CADPS2: variants seen among roughly 807,000 people sequenced by gnomAD.
The protein encoded by CADPS2 is calcium dependent secretion activator 2.
CADPS2 carries 93 observed loss-of-function variants against 172.5 expected under a neutral mutation model. The observed-to-expected ratio is 0.54, with a 90% CI of 0.46 to 0.64. The LOEUF is 0.64. Among genes scored for constraint, CADPS2 ranks in the 30% least tolerant of loss-of-function variants. The probability of loss-of-function intolerance (pLI) is 0.00; values close to 1 mark genes in which losing one functional copy is unlikely to be tolerated. For missense variants in CADPS2, 1,420 were observed against 1,565.9 expected, an observed-to-expected ratio of 0.91 and a Z score of 1.57; for synonymous variants, 546 against 555.2, an observed-to-expected ratio of 0.98 and a Z score of 0.23.
intron 6 of CADPS2, among the ~76,000 whole-genome samples, chr7:122,590,634 G>C (rs560520809): frequency 2.0e-5 from 3 of 151,834 alleles, no homozygotes; most frequent in Admixed American, 6.6e-5. Context: ...ATCAGAGACA[G>C]ATTTCTAAGG....
intron 1 of CADPS2, among the ~76,000 whole-genome samples, chr7:122,821,025 C>T (rs1317833606): frequency 6.6e-6 from 1 of 152,004 alleles, no homozygotes; most frequent in Non-Finnish European, 1.5e-5. Context: ...ATACTTTCTG[C>T]TTCCTGGCTC....
chr7:122,801,874 C>A (rs1335802015), intron 1 of CADPS2, among the ~76,000 whole-genome samples: 1 of 151,782 alleles, frequency 6.6e-6, no homozygotes, highest in East Asian at 1.9e-4. Context: ...CAGGCGTGAG[C>A]CACTCTGCGC....
intron 28 of CADPS2, among the ~76,000 whole-genome samples, chr7:122,341,702 C>T (rs1170007759): frequency 6.6e-6 from 1 of 152,160 alleles, no homozygotes; most frequent in African/African-American, 2.4e-5. Context: ...CTTATCTTCT[C>T]TGAGTGGGAG....
At chr7:122,723,169 A>C (rs568527137) in intron 2 of CADPS2, among the ~76,000 whole-genome samples, 1 of 152,312 alleles carries the variant, frequency 6.6e-6, no homozygotes, top group Admixed American at 6.5e-5. Context: ...CAAAAGCCAA[A>C]ATTGACAAAT....
chr7:122,816,949 A>G (rs989984018), intron 1 of CADPS2, among the ~76,000 whole-genome samples: 3 of 151,740 alleles, frequency 2.0e-5, no homozygotes, highest in African/African-American at 4.9e-5. Flanking sequence ...ATCCTGGCTC[A>G]AAAAGCACCC....
intron 25 of CADPS2, among the ~76,000 whole-genome samples, chr7:122,377,130 T>C (rs2042456444): frequency 6.6e-6 from 1 of 152,128 alleles, no homozygotes; most frequent in African/African-American, 2.4e-5. Flanking sequence ...TATCCAGTAT[T>C]ATACGAGGCT....
At chr7:122,683,909 G>A (rs1047390133) in intron 2 of CADPS2, among the ~76,000 whole-genome samples, 1 of 152,034 alleles carries the variant, frequency 6.6e-6, no homozygotes, top group African/African-American at 2.4e-5. Context: ...GTGTGAGTTA[G>A]TGTGGGGGTG....
Position 122,838,260 on chromosome 7 carries a change from G to A in CADPS2, c.339+47739C>T, listed in dbSNP as rs577164977. Among the ~76,000 whole-genome samples the A allele has an allele frequency of 3.9e-5, 6 of 152,168 alleles. No individual in the cohort carries two copies. The South Asian group carries it at 8.3e-4, about 21-fold the overall frequency. ...CATGCTAAAAACTCTCAATAAATTC[G>A]GCATTGATGGGACATATCTCAAAAT... On this transcript the variant is annotated intron_variant, in intron 1 of 29. Coordinates refer to ENST00000449022, the MANE Select transcript of CADPS2 (RefSeq NM_017954.11).
intron 1 of CADPS2, among the ~76,000 whole-genome samples, chr7:122,763,228 T>G (rs1293227108): frequency 6.6e-6 from 1 of 152,080 alleles, no homozygotes; most frequent in Non-Finnish European, 1.5e-5. Context: ...GCAAATAATA[T>G]TTGGATGTGC....
In CADPS2 at chr7:122,451,485, A is replaced by C; in HGVS notation, c.2187-10T>G. The C allele has an allele frequency of 6.8e-7, 1 of 1,474,714 alleles. No homozygotes were observed. Among genetic ancestry groups the C allele is most frequent in the Non-Finnish European group, 9.3e-7 (1 of 1,080,660 alleles). The allele number at this position is 1,474,714 out of a possible 1,614,324, so 91.4% of individuals were successfully genotyped here. A position where few individuals can be genotyped will look rare whatever the true frequency, so the allele number is the denominator to read the frequency against. ...CCCAATTCCATCAGGCCTGAAAAAA[A>C]AATCAGAATCAATAATTCATATTGA... On this transcript the variant is annotated splice_polypyrimidine_tract_variant and intron_variant, in intron 14 of 29. Coordinates refer to ENST00000449022, the MANE Select transcript of CADPS2 (RefSeq NM_017954.11).
chr7:122,362,536 A>G (rs1163748304), intron 25 of CADPS2, among the ~76,000 whole-genome samples: 2 of 152,226 alleles, frequency 1.3e-5, no homozygotes, highest in East Asian at 3.9e-4. Context: ...AAAAATGTGA[A>G]GCATTTTACT....
At chr7:122,721,299 T>A (rs559558187) in intron 2 of CADPS2, among the ~76,000 whole-genome samples, 1 of 151,988 alleles carries the variant, frequency 6.6e-6, no homozygotes, top group South Asian at 2.1e-4. Flanking sequence ...CTAGCAAGAC[T>A]AATAAAGAAG....
chr7:122,733,493 T>G (rs1399377426), intron 2 of CADPS2, among the ~76,000 whole-genome samples: 1 of 151,908 alleles, frequency 6.6e-6, no homozygotes, highest in Non-Finnish European at 1.5e-5. Context: ...GAATCAAAAT[T>G]ATCAAGGCTG....
rs116610094 is a variant in CADPS2, at chr7:122,400,380, T to C, written c.2747-6798A>G. Among the ~76,000 whole-genome samples the C allele has an allele frequency of 7.0e-3, 1,059 of 152,002 alleles. 13 individuals are homozygous for C. Among genetic ancestry groups the C allele is most frequent in the African/African-American group, 0.025 (1,021 of 41,436 alleles). ...TGAATCTGGGAGGCGGAGGTTGTGGTCAGCCAAGATCACTCCATTGCACTC... is the reference window on the plus strand; with the variant it reads ...TGAATCTGGGAGGCGGAGGTTGTGGCCAGCCAAGATCACTCCATTGCACTC... On this transcript the variant is annotated intron_variant, in intron 20 of 29. Coordinates refer to ENST00000449022, the MANE Select transcript of CADPS2 (RefSeq NM_017954.11).
At position 122,485,724 on chromosome 7, in the gene CADPS2, C is replaced by T. The variant is rs2057740324; in HGVS notation, c.1852+4357G>A. Among the ~76,000 whole-genome samples, 3 of 152,150 alleles carry T rather than the reference C, an allele frequency of 2.0e-5. No homozygotes were observed. In the South Asian group the frequency reaches 6.2e-4, roughly 32 times the overall value. Reference sequence around the variant, plus strand: ...CTAAATAACAGATTTTTAGTGTAGACAAAATAATCTTCTATTGGAAGAAGA... The same window carrying T: ...CTAAATAACAGATTTTTAGTGTAGATAAAATAATCTTCTATTGGAAGAAGA... On this transcript the variant is annotated intron_variant, in intron 11 of 29. Coordinates refer to ENST00000449022, the MANE Select transcript of CADPS2 (RefSeq NM_017954.11).
Position 122,886,317 on chromosome 7 carries a change from G to A in CADPS2, c.21C>T (p.Ser7=). The A allele has an allele frequency of 1.3e-6, 2 of 1,502,684 alleles. No homozygotes were observed. Among genetic ancestry groups the A allele is most frequent in the Non-Finnish European group, 8.8e-7 (1 of 1,134,612 alleles). 93.1% of individuals were successfully genotyped at this position (1,502,684 alleles called of 1,614,324 possible). The change falls in exon 1 of 30, where the codon AGC becomes AGT. Residue 7 remains serine, a synonymous_variant. Transcript: ENST00000449022. MLDPSS[S]EEESDEGLEE... is the part of the protein sequence containing the mutation. ...CCAGCCCCTCGTCCGACTCCTCTTC[G>A]CTGGAAGACGGGTCCAGCATGGTGC...
Position 122,758,372 on chromosome 7 carries a change from A to G in CADPS2, c.340-21304T>C, listed in dbSNP as rs763961177. Among the ~76,000 whole-genome samples the G allele has an allele frequency of 1.2e-4, 18 of 152,156 alleles. 1 individual carries two copies. The highest frequency in any genetic ancestry group is 2.5e-4 in the Non-Finnish European group (17 of 68,004). On this transcript the variant is annotated intron_variant, in intron 1 of 29. Coordinates refer to ENST00000449022, the MANE Select transcript of CADPS2 (RefSeq NM_017954.11). ...AAGTAGAATATATCCAATTCTTTGC[A>G]ATCACTCATATTAAGGTTCTTATAA...
chr7:122,574,624 T>A (rs1446386081), intron 7 of CADPS2, among the ~76,000 whole-genome samples: 1 of 149,800 alleles, frequency 6.7e-6, no homozygotes, highest in African/African-American at 2.5e-5. Flanking sequence ...CAAAGACCAA[T>A]AGGTACATGA....
At chr7:122,480,801 C>A in intron 12 of CADPS2, 51 bp downstream of exon 12, 1 of 1,256,864 alleles carries the variant, frequency 8.0e-7, no homozygotes, top group Non-Finnish European at 1.1e-6. Flanking sequence ...AACATAGTAT[C>A]ATTAAAAATT....
Sources: allele counts gnomAD v4.1 joint callset (sites outside exome capture counted in the v4.1 genomes callset), GRCh38; gene constraint gnomAD v4.1.1; transcripts MANE v1.5; gene names NCBI Gene and HGNC (gene_info 2026-07-23, HGNC 2026-07-21).